Variants in TAFA2 observed in about 807,000 individuals in gnomAD.
TAFA2 encodes the protein chemokine-like protein TAFA-2.
Under a neutral mutation model 18.8 loss-of-function variants are expected in TAFA2, and 7 were observed. That is an observed-to-expected ratio of 0.37 (90% CI 0.21 to 0.70). TAFA2 has a LOEUF of 0.70. Among genes scored for constraint, TAFA2 ranks in the 30% least tolerant of loss-of-function variants. The pLI is 0.53. For synonymous variants in TAFA2, 60 were observed against 54.2 expected, an observed-to-expected ratio of 1.11 and a Z score of -0.47; for missense variants, 122 against 158.1, an observed-to-expected ratio of 0.77 and a Z score of 1.23.
chr12:61,850,846 A>C lies in TAFA2; in HGVS notation c.106+16474T>G, dbSNP rs1293518158. Among the ~76,000 whole-genome samples, 5 of 152,160 alleles carry C rather than the reference A, an allele frequency of 3.3e-5. No individual in the cohort carries two copies. In the East Asian group the frequency reaches 9.6e-4, roughly 29 times the overall value. ...AAATATAGAGAGATGACATTTCTTC[A>C]ATATAATGGTAGAGACTTTTCAAAA... On this transcript the variant is annotated intron_variant, in intron 2 of 4. Transcript: ENST00000416284.
At position 61,792,816 on chromosome 12, in the gene TAFA2, A is replaced by G. The variant is rs1393531728; in HGVS notation, c.107-37792T>C. On this transcript the variant is annotated intron_variant, in intron 2 of 4. Coordinates refer to ENST00000416284, the MANE Select transcript of TAFA2 (RefSeq NM_178539.5). Reference sequence around the variant, plus strand: ...TAGAAGGAAAGATAAAATCACTATTATATTCAGAGATTAAACACCTCTATC... The same window carrying G: ...TAGAAGGAAAGATAAAATCACTATTGTATTCAGAGATTAAACACCTCTATC... 2.0e-5 allele frequency among the ~76,000 whole-genome samples: 3 copies of G among 151,622 alleles called. No homozygotes were observed. The East Asian group carries it at 5.8e-4, about 29-fold the overall frequency.
intron 1 of TAFA2, among the ~76,000 whole-genome samples, chr12:62,063,220 CCTGG>C (rs1447099483): frequency 2.6e-5 from 4 of 152,088 alleles, no homozygotes; most frequent in African/African-American, 9.7e-5. Flanking sequence ...TGAAAGTTGT[CCTGG>C]CTATTTGTAG....
rs1204937802 is a variant in TAFA2, at chr12:61,951,182, T to C, written c.-1-83756A>G. Among the ~76,000 whole-genome samples the C allele has an allele frequency of 3.3e-5, 5 of 152,150 alleles. No individual in the cohort carries two copies. The East Asian group carries it at 9.6e-4, about 29-fold the overall frequency. On this transcript the variant is annotated intron_variant, in intron 1 of 4. Transcript: ENST00000416284. Reference sequence around the variant, plus strand: ...CCAACTTCAATAGCAACGGAGGATATGTGACGCAGGAAAAAGCAGTCTCAC... The same window carrying C: ...CCAACTTCAATAGCAACGGAGGATACGTGACGCAGGAAAAAGCAGTCTCAC...
rs1202275863 is a variant in TAFA2, at chr12:61,728,619, CTTATGTG to C, written c.385-18209_385-18203del. On this transcript the variant is annotated intron_variant, in intron 4 of 4. Coordinates refer to ENST00000416284, the MANE Select transcript of TAFA2 (RefSeq NM_178539.5). ...CCTTTGCCTTAAGTTTATGTAAGTC[CTTATGTG>C]TTAGGTGAGTCTCTTGAAGACAGCA... Among the ~76,000 whole-genome samples, 7 of 149,662 alleles carry C rather than the reference CTTATGTG, an allele frequency of 4.7e-5. No individual in the cohort carries two copies. In the East Asian group the frequency reaches 6.0e-4, roughly 13 times the overall value.
intron 2 of TAFA2, among the ~76,000 whole-genome samples, chr12:61,758,061 C>T (rs577264969): frequency 7.3e-4 from 111 of 152,138 alleles, no homozygotes; most frequent in Non-Finnish European, 1.4e-3. Flanking sequence ...GTTTAGGACA[C>T]TGCCTCCCCG....
intron 1 of TAFA2, among the ~76,000 whole-genome samples, chr12:62,141,458 A>G (rs932302508): frequency 6.6e-6 from 1 of 152,182 alleles, no homozygotes; most frequent in Non-Finnish European, 1.5e-5. Context: ...CAGAAGCTTT[A>G]CCTGCCATCT....
At chr12:62,200,631 T>C (rs1259707077) in intron 1 of TAFA2, among the ~76,000 whole-genome samples, 1 of 152,250 alleles carries the variant, frequency 6.6e-6, no homozygotes, top group Non-Finnish European at 1.5e-5. Context: ...TTTGTATCAG[T>C]ACCATGCTGT....
intron 1 of TAFA2, among the ~76,000 whole-genome samples, chr12:61,998,348 T>G (rs1409769115): frequency 3.9e-5 from 6 of 152,200 alleles, no homozygotes; most frequent in African/African-American, 9.6e-5. Context: ...ACCTTTTGCA[T>G]GTTCATTTAT....
intron 2 of TAFA2, among the ~76,000 whole-genome samples, chr12:61,841,634 T>C (rs1873185400): frequency 6.6e-6 from 1 of 152,134 alleles, no homozygotes; most frequent in South Asian, 2.1e-4. Context: ...TGGAGACTTT[T>C]GTGTTTTCAT....
intron 1 of TAFA2, among the ~76,000 whole-genome samples, chr12:61,917,420 T>C (rs1439523450): frequency 6.6e-6 from 1 of 152,166 alleles, no homozygotes; most frequent in Non-Finnish European, 1.5e-5. Context: ...ACTATGCATC[T>C]AGGCTCTGCT....
intron 2 of TAFA2, among the ~76,000 whole-genome samples, chr12:61,762,650 T>C (rs1006518663): frequency 3.3e-5 from 5 of 150,256 alleles, no homozygotes; most frequent in African/African-American, 7.3e-5. Flanking sequence ...TATATATATA[T>C]ACATACACAT....
chr12:61,843,837 G>A (rs1592428571), intron 2 of TAFA2, among the ~76,000 whole-genome samples: 1 of 152,126 alleles, frequency 6.6e-6, no homozygotes, highest in Non-Finnish European at 1.5e-5. Flanking sequence ...AGCAAGCTGT[G>A]TTAACACATT....
At chr12:62,227,309 T>G (rs1430562675) in intron 1 of TAFA2, among the ~76,000 whole-genome samples, 2 of 152,158 alleles carry the variant, frequency 1.3e-5, no homozygotes, top group African/African-American at 4.8e-5. Flanking sequence ...GCTCTGAACT[T>G]CCTGGTCGGA....
At chr12:62,185,605 G>A (rs74095714) in intron 1 of TAFA2, among the ~76,000 whole-genome samples, 5,603 of 152,236 alleles carry the variant, frequency 0.037, 351 homozygotes, top group African/African-American at 0.13. Flanking sequence ...GAAAGAAATG[G>A]TAACAGTAAC....
chr12:62,110,823 G>C (rs529567960), intron 1 of TAFA2, among the ~76,000 whole-genome samples: 5 of 151,838 alleles, frequency 3.3e-5, no homozygotes, highest in Non-Finnish European at 7.4e-5. Context: ...ATTGCTGTGG[G>C]ATCAGCAGTG....
chr12:62,000,180 T>TATTCATATGA (rs1164857801), intron 1 of TAFA2, among the ~76,000 whole-genome samples: 39 of 147,886 alleles, frequency 2.6e-4, no homozygotes, highest in East Asian at 6.8e-4. Flanking sequence ...GTGGCTGTTA[T>TATTCATATGA]TAGTTTAACC....
intron 1 of TAFA2, chr12:62,104,834 G>A (rs1453293428): frequency 2.8e-6 from 1 of 355,234 alleles, no homozygotes; most frequent in Non-Finnish European, 5.7e-6. Flanking sequence ...GTGATTTTGA[G>A]GCTCAAGTTT....
At chr12:62,188,270 G>T (rs111483346) in intron 1 of TAFA2, among the ~76,000 whole-genome samples, 333 of 150,958 alleles carry the variant, frequency 2.2e-3, no homozygotes, top group African/African-American at 5.7e-3. Context: ...GCACAGTAAG[G>T]TTCCTTATTT....
chr12:61,799,511 A>G (rs1364296841), intron 2 of TAFA2, among the ~76,000 whole-genome samples: 1 of 152,124 alleles, frequency 6.6e-6, no homozygotes, highest in African/African-American at 2.4e-5. Flanking sequence ...CAGAAAATAT[A>G]TTCATATATA....
Sources: allele counts gnomAD v4.1 joint callset (sites outside exome capture counted in the v4.1 genomes callset), GRCh38; gene constraint gnomAD v4.1.1; transcripts MANE v1.5; gene names NCBI Gene and HGNC (gene_info 2026-07-23, HGNC 2026-07-21).